The following KLHL1 variants were observed in gnomAD, a reference collection of about 807,000 sequenced individuals.
KLHL1 encodes the protein kelch-like protein 1.
KLHL1 carries 47 observed loss-of-function variants against 77.7 expected under a neutral mutation model. The observed-to-expected ratio is 0.60, with a 90% CI of 0.48 to 0.77. The LOEUF (loss-of-function observed/expected upper bound fraction) is 0.77, where lower values mean the gene tolerates loss of function less well. KLHL1 is among the 30% of genes least tolerant of loss of function. The pLI, the probability that KLHL1 is intolerant of heterozygous loss-of-function variation, is 0.00. For missense variants in KLHL1, 925 were observed against 910.8 expected, an observed-to-expected ratio of 1.02 and a Z score of -0.20; for synonymous variants, 360 against 325.2, an observed-to-expected ratio of 1.11 and a Z score of -1.15.
chr13:69,724,125 G>A (rs928834026), intron 8 of KLHL1, among the ~76,000 whole-genome samples: 5 of 152,202 alleles, frequency 3.3e-5, no homozygotes, highest in Admixed American at 1.3e-4. Context: ...GTGAGATACC[G>A]TGCCTGGCTA....
intron 5 of KLHL1, among the ~76,000 whole-genome samples, chr13:69,855,378 C>A (rs935685971): frequency 0.02 from 2,569 of 128,272 alleles, 56 homozygotes; most frequent in Non-Finnish European, 0.027. Flanking sequence ...AGAGATAGAT[C>A]TATAGATAGA....
intron 2 of KLHL1, among the ~76,000 whole-genome samples, chr13:69,969,014 T>C (rs988225897): frequency 1.3e-5 from 2 of 151,868 alleles, no homozygotes; most frequent in Non-Finnish European, 2.9e-5. Context: ...AGAAAGGAAG[T>C]TAGATCAATA....
chr13:70,044,567 C>G (rs994877099), intron 1 of KLHL1, among the ~76,000 whole-genome samples: 1 of 151,654 alleles, frequency 6.6e-6, no homozygotes, highest in Admixed American at 6.6e-5. Context: ...ATACCCTATA[C>G]CAAGATACAT....
chr13:70,034,628 A>G (rs1886194047), intron 1 of KLHL1, among the ~76,000 whole-genome samples: 1 of 152,222 alleles, frequency 6.6e-6, no homozygotes, highest in African/African-American at 2.4e-5. Flanking sequence ...CTTTTTTATC[A>G]GAAAAAAATG....
At chr13:69,999,568 G>A (rs140966232) in intron 1 of KLHL1, among the ~76,000 whole-genome samples, 250 of 152,178 alleles carry the variant, frequency 1.6e-3, no homozygotes, top group African/African-American at 5.8e-3. Context: ...AAGAGATTGG[G>A]ATGATTAATC....
intron 4 of KLHL1, among the ~76,000 whole-genome samples, chr13:69,931,121 A>G (rs1882992211): frequency 6.6e-6 from 1 of 151,690 alleles, no homozygotes; most frequent in Admixed American, 6.6e-5. Flanking sequence ...TTCAAATATA[A>G]CTGCAGAGAA....
intron 4 of KLHL1, among the ~76,000 whole-genome samples, chr13:69,886,069 A>G (rs1348856493): frequency 2.0e-5 from 3 of 152,166 alleles, no homozygotes; most frequent in African/African-American, 4.8e-5. Context: ...AGTTTAGGTG[A>G]GATAATAATG....
At chr13:69,737,791 G>C (rs549495215) in intron 8 of KLHL1, among the ~76,000 whole-genome samples, 6 of 152,286 alleles carry the variant, frequency 3.9e-5, no homozygotes, top group Non-Finnish European at 2.9e-5. Context: ...ACGCATCAGT[G>C]GTCTCAGTCT....
At chr13:69,730,771 G>A (rs2137913519) in intron 8 of KLHL1, among the ~76,000 whole-genome samples, 1 of 152,032 alleles carries the variant, frequency 6.6e-6, no homozygotes, top group South Asian at 2.1e-4. Context: ...GTAGAGATGG[G>A]GTCTCACTAC....
chr13:69,855,549 A>G (rs928972018), intron 5 of KLHL1, among the ~76,000 whole-genome samples: 1 of 151,788 alleles, frequency 6.6e-6, no homozygotes, highest in African/African-American at 2.4e-5. Context: ...AAATAATGTA[A>G]TCTTGGGGGC....
chr13:69,919,917 C>T (rs1593950060), intron 4 of KLHL1, among the ~76,000 whole-genome samples: 2 of 152,146 alleles, frequency 1.3e-5, no homozygotes, highest in East Asian at 1.9e-4. Flanking sequence ...TATCTTATGG[C>T]CCAGCTGTGT....
chr13:69,906,412 C>T (rs561925597), intron 4 of KLHL1, among the ~76,000 whole-genome samples: 6 of 152,040 alleles, frequency 3.9e-5, no homozygotes, highest in Admixed American at 3.9e-4. Context: ...TCAAGACCCA[C>T]TTGATTAAGG....
intron 6 of KLHL1, among the ~76,000 whole-genome samples, chr13:69,836,081 A>G (rs1878976937): frequency 6.6e-6 from 1 of 152,210 alleles, no homozygotes. Flanking sequence ...GAAGTCCCAG[A>G]AAGAGGGGAC....
intron 4 of KLHL1, among the ~76,000 whole-genome samples, chr13:69,906,106 C>T (rs1421162182): frequency 6.6e-6 from 1 of 152,004 alleles, no homozygotes; most frequent in Non-Finnish European, 1.5e-5. Context: ...ATACACTATA[C>T]ACTTTATTTC....
intron 6 of KLHL1, among the ~76,000 whole-genome samples, chr13:69,834,663 C>A (rs1003607362): frequency 2.8e-4 from 42 of 152,130 alleles, no homozygotes; most frequent in African/African-American, 7.9e-4. Context: ...CAATTGATAA[C>A]AAATGTTATC....
intron 6 of KLHL1, among the ~76,000 whole-genome samples, chr13:69,821,355 C>T (rs1322512265): frequency 6.6e-6 from 1 of 151,930 alleles, no homozygotes. Flanking sequence ...CACTCTGTCG[C>T]CCAGGCTGGA....
chr13:69,712,262 T>C (rs1234397487), intron 9 of KLHL1, among the ~76,000 whole-genome samples: 1 of 7,072 alleles, frequency 1.4e-4, no homozygotes, highest in Non-Finnish European at 8.0e-4. Context: ...CACACCTCAT[T>C]TTTTTTTTTT....
intron 7 of KLHL1, among the ~76,000 whole-genome samples, chr13:69,765,820 G>A (rs1420490301): frequency 6.6e-6 from 1 of 152,204 alleles, no homozygotes; most frequent in Non-Finnish European, 1.5e-5. Flanking sequence ...AGGAAGAAGC[G>A]AGAAGACCTC....
chr13:70,075,657 A>G (rs1406027680), intron 1 of KLHL1, among the ~76,000 whole-genome samples: 5 of 142,740 alleles, frequency 3.5e-5, no homozygotes, highest in Non-Finnish European at 7.6e-5. Context: ...TTATATATAT[A>G]CCTATGTGTG....
Sources: gnomAD v4.1 joint callset for allele counts (sites outside exome capture counted in the v4.1 genomes callset) on GRCh38, gnomAD v4.1.1 for gene constraint, MANE v1.5 for transcripts, NCBI Gene and HGNC (gene_info 2026-07-23, HGNC 2026-07-21) for gene names.